Variants in HOMER1 observed in about 807,000 individuals in gnomAD.
HOMER1 encodes the protein homer protein homolog 1.
In HOMER1, 3 loss-of-function variants were observed where a neutral mutation model predicts 48.9. The ratio of observed to expected loss-of-function variants is 0.06; its 90% CI spans 0.03 to 0.16. HOMER1 has a LOEUF of 0.16. Among genes scored for constraint, HOMER1 ranks in the 10% least tolerant of loss-of-function variants. HOMER1 has a pLI of 1.00. For synonymous variants in HOMER1, 134 were observed against 146.4 expected (o/e 0.92, Z 0.61); for missense variants, 247 against 411.4 (o/e 0.60, Z 3.46).
At chr5:79,486,641 A>T (rs1285041659) in intron 1 of HOMER1, among the ~76,000 whole-genome samples, 2 of 152,196 alleles carry the variant, frequency 1.3e-5, no homozygotes, top group African/African-American at 4.8e-5. Context: ...TTAGTGACCT[A>T]CCCAAGATCA....
At chr5:79,438,948 G>T in intron 5 of HOMER1, 62 bp downstream of exon 5, 2 of 1,436,688 alleles carry the variant, frequency 1.4e-6, no homozygotes, top group South Asian at 1.2e-5. Flanking sequence ...AAGGGTTCCT[G>T]AAACCAAACA....
chr5:79,478,957 GA>G (rs2112338134), intron 1 of HOMER1, among the ~76,000 whole-genome samples: 2 of 151,316 alleles, frequency 1.3e-5, no homozygotes, highest in African/African-American at 4.9e-5. Context: ...GTCAAAAAAA[GA>G]AAAGCTGGAT....
chr5:79,378,858 A>T (rs1270564359), intron 8 of HOMER1, among the ~76,000 whole-genome samples: 1 of 151,636 alleles, frequency 6.6e-6, no homozygotes, highest in Non-Finnish European at 1.5e-5. Context: ...AAATTGTGTT[A>T]TTCTCTCTAG....
At chr5:79,419,077 C>A (rs566293865) in intron 5 of HOMER1, among the ~76,000 whole-genome samples, 1 of 151,388 alleles carries the variant, frequency 6.6e-6, no homozygotes, top group Non-Finnish European at 1.5e-5. Context: ...AGAATAGTTA[C>A]AAATATGGAT....
intron 1 of HOMER1, among the ~76,000 whole-genome samples, chr5:79,496,427 C>G (rs1054012653): frequency 4.6e-5 from 7 of 152,166 alleles, no homozygotes; most frequent in Non-Finnish European, 1.0e-4. Flanking sequence ...AGGTATATAA[C>G]AGAAGAATAT....
At chr5:79,407,940 A>T (rs1749709697) in intron 5 of HOMER1, among the ~76,000 whole-genome samples, 1 of 152,224 alleles carries the variant, frequency 6.6e-6, no homozygotes, top group African/African-American at 2.4e-5. Context: ...ATATTACAGT[A>T]TGATAAAATA....
chr5:79,470,371 A>G lies in HOMER1; in HGVS notation c.6-13353T>C, dbSNP rs537082902. ...CCACGTATTTATATATGCTTGTCACAATGTAAGATGCATTTTCTTCCCCCT... is the reference window on the plus strand; with the variant it reads ...CCACGTATTTATATATGCTTGTCACGATGTAAGATGCATTTTCTTCCCCCT... On this transcript the variant is annotated intron_variant, in intron 1 of 8. Coordinates refer to ENST00000334082, the MANE Select transcript of HOMER1 (RefSeq NM_004272.5). Among the ~76,000 whole-genome samples the G allele has an allele frequency of 2.6e-4, 39 of 152,334 alleles. No individual in the cohort carries two copies. In the South Asian group the frequency reaches 8.1e-3, roughly 32 times the overall value.
intron 1 of HOMER1, among the ~76,000 whole-genome samples, chr5:79,470,234 T>TGATCAATCTACTGGTCAACAAGG (rs1751579949): frequency 1.3e-5 from 2 of 152,170 alleles, no homozygotes; most frequent in Non-Finnish European, 2.9e-5. Context: ...CAGGGAGTCA[T>TGATCAATCTACTGGTCAACAAGG]GATCAATCTA....
intron 1 of HOMER1, among the ~76,000 whole-genome samples, chr5:79,503,025 G>A (rs975875180): frequency 6.6e-6 from 1 of 152,036 alleles, no homozygotes; most frequent in Non-Finnish European, 1.5e-5. Context: ...CTGACCTCGT[G>A]ATCTGCCCGC....
intron 1 of HOMER1, among the ~76,000 whole-genome samples, chr5:79,471,825 T>C (rs1026835087): frequency 6.6e-6 from 1 of 152,184 alleles, no homozygotes; most frequent in Admixed American, 6.6e-5. Flanking sequence ...TTCTCAAACA[T>C]GCCAGGCACT....
At chr5:79,432,898 T>C (rs537216230) in intron 5 of HOMER1, among the ~76,000 whole-genome samples, 10 of 152,346 alleles carry the variant, frequency 6.6e-5, no homozygotes, top group African/African-American at 2.4e-4. Flanking sequence ...CAAATATTCC[T>C]TGCCTTCAAA....
chr5:79,464,664 T>A (rs1230108895), intron 1 of HOMER1, among the ~76,000 whole-genome samples: 1 of 152,176 alleles, frequency 6.6e-6, no homozygotes, highest in Non-Finnish European at 1.5e-5. Flanking sequence ...CCTCCTCTCT[T>A]TCTCATACAT....
intron 1 of HOMER1, among the ~76,000 whole-genome samples, chr5:79,464,994 C>T (rs1196164455): frequency 6.6e-6 from 1 of 151,914 alleles, no homozygotes; most frequent in Non-Finnish European, 1.5e-5. Flanking sequence ...TGTAAAGTAA[C>T]CTTGCTATAA....
chr5:79,485,257 C>T (rs2112348388), intron 1 of HOMER1, among the ~76,000 whole-genome samples: 1 of 152,320 alleles, frequency 6.6e-6, no homozygotes, highest in Non-Finnish European at 1.5e-5. Flanking sequence ...CTAGAAGCTT[C>T]TTGCCACGCA....
At chr5:79,455,404 T>C (rs1751143569) in intron 2 of HOMER1, among the ~76,000 whole-genome samples, 1 of 152,132 alleles carries the variant, frequency 6.6e-6, no homozygotes, top group Non-Finnish European at 1.5e-5. Flanking sequence ...GTTCTTGTGA[T>C]AGTGACTCTC....
intron 1 of HOMER1, among the ~76,000 whole-genome samples, chr5:79,480,564 A>G (rs955423322): frequency 9.2e-5 from 14 of 152,248 alleles, no homozygotes; most frequent in African/African-American, 3.4e-4. Flanking sequence ...AATCTTTGTT[A>G]GTGTCATGCT....
chr5:79,385,037 T>C (rs1281445231), intron 8 of HOMER1, among the ~76,000 whole-genome samples: 1 of 152,084 alleles, frequency 6.6e-6, no homozygotes, highest in Non-Finnish European at 1.5e-5. Flanking sequence ...AACATCATAG[T>C]GAATGAGGAA....
Position 79,375,781 on chromosome 5 carries a change from G to T in HOMER1, c.*228C>A. 1 of 375,424 alleles carries T rather than the reference G, an allele frequency of 2.7e-6. No individual in the cohort carries two copies. The highest frequency in any genetic ancestry group is 9.5e-5 in the South Asian group (1 of 10,528). 23.3% of individuals were successfully genotyped at this position (375,424 alleles called of 1,614,324 possible). ...ACTATGGCCAATAATATACATGGAG[G>T]TAATTTGTAGTTCAAGTTTTTCATC... On this transcript the variant is annotated 3_prime_UTR_variant, in exon 9 of 9. Transcript: ENST00000334082.
intron 1 of HOMER1, among the ~76,000 whole-genome samples, chr5:79,503,260 T>A (rs1752654503): frequency 1.3e-5 from 2 of 151,988 alleles, no homozygotes; most frequent in Non-Finnish European, 2.9e-5. Flanking sequence ...AGGCCAGGCA[T>A]GGCGGCTCAC....
Sources: allele counts gnomAD v4.1 joint callset (sites outside exome capture counted in the v4.1 genomes callset), GRCh38; gene constraint gnomAD v4.1.1; transcripts MANE v1.5; gene names NCBI Gene and HGNC (gene_info 2026-07-23, HGNC 2026-07-21).